Variants in VCL observed in about 807,000 individuals in gnomAD.
The protein encoded by VCL is epididymis luminal protein 114.
A neutral mutation model predicts 125.7 loss-of-function variants in VCL; 47 were observed. The ratio of observed to expected loss-of-function variants is 0.37; its 90% CI spans 0.30 to 0.48. The LOEUF (loss-of-function observed/expected upper bound fraction) is 0.48, where lower values mean the gene tolerates loss of function less well. VCL is among the 20% of genes least tolerant of loss of function. The pLI is 0.99. For synonymous variants in VCL, 458 were observed against 514.6 expected (o/e 0.89, Z 1.49); for missense variants, 1,069 against 1,455.5 (o/e 0.73, Z 4.32).
chr10:74,089,397 C>T (rs1839841276), intron 9 of VCL, 48 bp downstream of exon 9: 1 of 1,608,286 alleles, frequency 6.2e-7, no homozygotes, highest in African/African-American at 1.3e-5. Context: ...TCATAAATAT[C>T]CTAAGTCATA....
At chr10:74,052,378 T>G (rs1337052547) in intron 2 of VCL, among the ~76,000 whole-genome samples, 2 of 147,930 alleles carry the variant, frequency 1.4e-5, no homozygotes, top group Non-Finnish European at 3.0e-5. Flanking sequence ...CAGTTAGTTT[T>G]TTTTTTTTTT....
chr10:74,106,020 A>T (rs1313726569), intron 16 of VCL, among the ~76,000 whole-genome samples: 1 of 145,712 alleles, frequency 6.9e-6, no homozygotes, highest in African/African-American at 2.6e-5. Context: ...GCCTGGATTC[A>T]AGTGATTCTC....
intron 6 of VCL, among the ~76,000 whole-genome samples, chr10:74,078,500 C>A (rs1215408075): frequency 1.3e-5 from 2 of 152,152 alleles, no homozygotes; most frequent in African/African-American, 4.8e-5. Flanking sequence ...AATGAAAGAT[C>A]TCTAAGAGCT....
At chr10:74,044,098 G>A (rs1251939022) in intron 2 of VCL, among the ~76,000 whole-genome samples, 4 of 151,228 alleles carry the variant, frequency 2.6e-5, no homozygotes, top group East Asian at 1.9e-4. Flanking sequence ...GTGACAGAGC[G>A]GGACTCTGTC....
chr10:74,024,225 G>A (rs766744001), intron 1 of VCL, among the ~76,000 whole-genome samples: 25 of 152,088 alleles, frequency 1.6e-4, no homozygotes, highest in South Asian at 2.1e-4. Context: ...GTTTATTATG[G>A]CCTGGAGCCA....
rs1841666987 is a variant in VCL, at chr10:74,071,738, A to T, written c.499+655A>T. On this transcript the variant is annotated intron_variant, in intron 4 of 21. Transcript: ENST00000211998. This position sits in a 1 kb window ranked among gnomAD's most constrained non-coding sequence, Gnocchi z 4.1. ...CTTAACTTGATTGTTATCACTTTAT[A>T]AAATTCATTTGTTTTATGTGAAATG... Among the ~76,000 whole-genome samples, 1 of 152,222 alleles carries T rather than the reference A, an allele frequency of 6.6e-6. No individual in the cohort carries two copies. Among genetic ancestry groups the T allele is most frequent in the African/African-American group, 2.4e-5 (1 of 41,452 alleles).
In VCL at chr10:74,006,430, G is replaced by T. The variant is rs866819170; in HGVS notation, c.168+8055G>T. ...CTCTGGTATCAGCAACAGTAGCTTA[G>T]ATTGGGTCCTCCTGTTACAGTCCTG... On this transcript the variant is annotated intron_variant, in intron 1 of 21. Coordinates refer to ENST00000211998, the MANE Select transcript of VCL (RefSeq NM_014000.3). Among the ~76,000 whole-genome samples the T allele has an allele frequency of 1.4e-4, 22 of 152,222 alleles. 1 individual carries two copies. The highest frequency in any genetic ancestry group is 1.2e-4 in the African/African-American group (5 of 41,464).
At chr10:74,104,395 A>G (rs376350953) in intron 15 of VCL, among the ~76,000 whole-genome samples, 13 of 152,254 alleles carry the variant, frequency 8.5e-5, no homozygotes, top group Admixed American at 3.9e-4. Context: ...AAAAGGAGAA[A>G]CCAACCACCA....
At chr10:74,094,096 A>G (rs1342967903) in intron 10 of VCL, among the ~76,000 whole-genome samples, 175 bp from the exon 11 acceptor site, 1 of 152,250 alleles carries the variant, frequency 6.6e-6, no homozygotes, top group Non-Finnish European at 1.5e-5. Context: ...AATAATCTGA[A>G]TGTAAATTAT....
At chr10:74,041,652 G>A (rs998502560) in intron 1 of VCL, among the ~76,000 whole-genome samples, 5 of 152,224 alleles carry the variant, frequency 3.3e-5, no homozygotes, top group Admixed American at 6.5e-5. Flanking sequence ...CAGCACTTTG[G>A]GAGGCAAGGT....
chr10:74,103,941 A>G lies in VCL; in HGVS notation c.2131+13A>G, dbSNP rs2131926873. On this transcript the variant is annotated intron_variant, in intron 15 of 21. Transcript: ENST00000211998. ...GAAAAAATGACAGGTAGAGTTTTCT[A>G]TACAAATCTTGTTGTCTAATCCATG... is the stretch of plus-strand genomic sequence containing the variant. 2 of 1,611,396 alleles carry G rather than the reference A, an allele frequency of 1.2e-6. No individual in the cohort carries two copies. Among genetic ancestry groups the G allele is most frequent in the Admixed American group, 3.3e-5 (2 of 60,006 alleles).
chr10:74,110,299 T>C (rs1028583762), intron 18 of VCL, among the ~76,000 whole-genome samples: 16 of 152,272 alleles, frequency 1.1e-4, no homozygotes, highest in Admixed American at 5.2e-4. Context: ...ACAAAAAATA[T>C]ACATGAATTA....
At chr10:74,009,173 T>A (rs1440498675) in intron 1 of VCL, among the ~76,000 whole-genome samples, 1 of 149,910 alleles carries the variant, frequency 6.7e-6, no homozygotes, top group Non-Finnish European at 1.5e-5. Flanking sequence ...GCCACATAAG[T>A]TCAGGTGAAA....
chr10:74,023,696 A>C (rs1475054687), intron 1 of VCL, among the ~76,000 whole-genome samples: 1 of 152,192 alleles, frequency 6.6e-6, no homozygotes, highest in Non-Finnish European at 1.5e-5. Flanking sequence ...AAACAAAAGG[A>C]AATGAAGTTA....
chr10:74,083,572 T>C, intron 8 of VCL, 59 bp downstream of exon 8: 1 of 1,596,448 alleles, frequency 6.3e-7, no homozygotes, highest in South Asian at 1.1e-5. Flanking sequence ...AACAGGGTGA[T>C]TCAGAAAACA....
intron 1 of VCL, among the ~76,000 whole-genome samples, chr10:74,019,414 C>G (rs1000236913): frequency 3.3e-5 from 5 of 151,860 alleles, no homozygotes; most frequent in Non-Finnish European, 7.4e-5. Flanking sequence ...TGTCCCCCAT[C>G]CCCCTACAGG....
chr10:74,101,372 G>C (rs142757791), intron 14 of VCL, among the ~76,000 whole-genome samples: 3 of 151,780 alleles, frequency 2.0e-5, no homozygotes, highest in Non-Finnish European at 4.4e-5. Flanking sequence ...TGTGAACACA[G>C]CTATTTGTGA....
chr10:74,112,849 T>C (rs1359203816), intron 19 of VCL, among the ~76,000 whole-genome samples: 2 of 152,160 alleles, frequency 1.3e-5, no homozygotes, highest in African/African-American at 4.8e-5. Flanking sequence ...TGAAGAGTGA[T>C]GGGTAGTCAC....
chr10:74,088,969 A>G (rs1400158020), intron 8 of VCL, among the ~76,000 whole-genome samples: 2 of 152,218 alleles, frequency 1.3e-5, no homozygotes, highest in African/African-American at 2.4e-5. Flanking sequence ...TGGTCTTCAA[A>G]GTGGTTATGC....
Sources: allele counts gnomAD v4.1 joint callset (sites outside exome capture counted in the v4.1 genomes callset), GRCh38; gene constraint gnomAD v4.1.1; non-coding constraint Gnocchi (gnomAD v3.1); transcripts MANE v1.5; gene names NCBI Gene and HGNC (gene_info 2026-07-23, HGNC 2026-07-21).